NFIB: variants seen among roughly 807,000 people sequenced by gnomAD.
NFIB encodes nuclear factor I B.
NFIB carries 11 observed loss-of-function variants against 61.5 expected under a neutral mutation model. That is an observed-to-expected ratio of 0.18 (90% CI 0.11 to 0.30). The LOEUF is 0.30. Among genes scored for constraint, NFIB ranks in the 10% least tolerant of loss-of-function variants. The probability of loss-of-function intolerance (pLI) is 1.00; values close to 1 mark genes in which losing one functional copy is unlikely to be tolerated. For synonymous variants in NFIB, 260 were observed against 216.5 expected (o/e 1.20, Z -1.76); for missense variants, 471 against 608.9 (o/e 0.77, Z 2.38).
the NFIB span, among the ~76,000 whole-genome samples, chr9:14,516,161 C>T: frequency 9.2e-5 from 14 of 152,222 alleles, no homozygotes; most frequent in East Asian, 3.9e-4. Context: ...CCCCAGCACA[C>T]GGCCTGTAAC....
chr9:14,146,967 C>A (rs962153986), intron 5 of NFIB, among the ~76,000 whole-genome samples, 160 bp from the exon 6 acceptor site: 3 of 152,016 alleles, frequency 2.0e-5, no homozygotes, highest in African/African-American at 7.2e-5. Flanking sequence ...ATAGTAATAG[C>A]AAATATTTCT....
chr9:14,298,636 C>G (rs2059578816), intron 2 of NFIB, among the ~76,000 whole-genome samples: 1 of 152,124 alleles, frequency 6.6e-6, no homozygotes, highest in Non-Finnish European at 1.5e-5. Context: ...GACGTAGCTA[C>G]TGCAGACGGA....
At chr9:14,385,413 G>C (rs369040469) in intron 1 of NFIB, among the ~76,000 whole-genome samples, 3 of 152,102 alleles carry the variant, frequency 2.0e-5, no homozygotes, top group Admixed American at 2.0e-4. Flanking sequence ...CATACAGAGG[G>C]GGTTGGGAGG....
chr9:14,254,298 C>CA (rs57545740), intron 2 of NFIB, among the ~76,000 whole-genome samples: 122,462 of 150,712 alleles, frequency 0.81, 51,111 homozygotes, highest in Middle Eastern at 0.92. Flanking sequence ...GACACTGTCT[C>CA]AAAAAAAACA....
chr9:14,432,264 C>G, the NFIB span, among the ~76,000 whole-genome samples: 2 of 152,212 alleles, frequency 1.3e-5, no homozygotes, highest in African/African-American at 2.4e-5. Context: ...TGCCATGTTT[C>G]TTGCCATGTA....
chr9:14,162,059 T>C (rs1370208152), intron 3 of NFIB, among the ~76,000 whole-genome samples: 1 of 152,168 alleles, frequency 6.6e-6, no homozygotes, highest in African/African-American at 2.4e-5. Flanking sequence ...TCATTTCAGA[T>C]ATATGAGCAT....
At chr9:14,501,256 A>G in the NFIB span, among the ~76,000 whole-genome samples, 1 of 152,104 alleles carries the variant, frequency 6.6e-6, no homozygotes, top group Non-Finnish European at 1.5e-5. Flanking sequence ...TGATCATACT[A>G]TTTAGAGACA....
the NFIB span, among the ~76,000 whole-genome samples, chr9:14,456,197 T>C: frequency 1.5e-5 from 2 of 135,848 alleles, no homozygotes; most frequent in African/African-American, 5.4e-5. Flanking sequence ...GTACCTGGAG[T>C]AACTACTTGG....
At chr9:14,502,337 G>C in the NFIB span, among the ~76,000 whole-genome samples, 64 of 152,244 alleles carry the variant, frequency 4.2e-4, no homozygotes, top group African/African-American at 1.5e-3. Flanking sequence ...TAGAACTGTG[G>C]AGATTTCAGA....
intron 2 of NFIB, among the ~76,000 whole-genome samples, chr9:14,224,211 A>G (rs1167022418): frequency 1.3e-5 from 2 of 152,242 alleles, no homozygotes; most frequent in Non-Finnish European, 2.9e-5. Context: ...TAGGCTACAC[A>G]GAAAATTGTG....
At position 14,162,173 on chromosome 9, in the gene NFIB, A is replaced by C. The variant is rs914819666; in HGVS notation, c.617-6280T>G. ...ATAAAATAGAAATTGTGCTAGCAGG[A>C]AATTTTTTTCCTAATATCAATGAGA... On this transcript the variant is annotated intron_variant, in intron 3 of 10. Transcript: ENST00000380953. 1.2e-3 allele frequency among the ~76,000 whole-genome samples: 185 copies of C among 152,260 alleles called. 1 individual carries two copies. Among genetic ancestry groups the C allele is most frequent in the Non-Finnish European group, 7.4e-4 (50 of 67,984 alleles).
chr9:14,113,386 T>C (rs987412723), intron 9 of NFIB, among the ~76,000 whole-genome samples: 2 of 152,142 alleles, frequency 1.3e-5, no homozygotes, highest in African/African-American at 4.8e-5. Context: ...ATTGGATAAA[T>C]AGAAGGGCCC....
At chr9:14,201,715 T>A (rs953375943) in intron 2 of NFIB, among the ~76,000 whole-genome samples, 1 of 151,966 alleles carries the variant, frequency 6.6e-6, no homozygotes, top group African/African-American at 2.4e-5. Context: ...TCTATTTAAA[T>A]GGCATACAAA....
intron 1 of NFIB, among the ~76,000 whole-genome samples, chr9:14,396,709 C>T (rs1473196614): frequency 6.6e-6 from 1 of 152,136 alleles, no homozygotes; most frequent in Non-Finnish European, 1.5e-5. Flanking sequence ...TCATTTGTTT[C>T]ATTTCACTGA....
Position 14,155,830 on chromosome 9 carries a change from G to C in NFIB, c.680C>G (p.Ser227Cys). 1.3e-6 allele frequency: 2 copies of C among 1,570,120 alleles called. No individual in the cohort carries two copies. Among genetic ancestry groups the C allele is most frequent in the Admixed American group, 1.8e-5 (1 of 54,310 alleles). ...VFNVSELVRV[S>C]RTPITQGTGV... The stretch of plus-strand genomic sequence containing the variant: ...TAACAAAACAATTTACTTACTTCTG[G>C]ATACTCTTACAAGTTCTGATACATT... Residue 227 changes from serine (S) to cysteine (C), a missense_variant, in exon 4 of 11, where the codon TCC becomes TGC. Ser to Cys is a moderately radical substitution (Grantham distance 112). Coordinates refer to ENST00000380953, the MANE Select transcript of NFIB (RefSeq NM_001190737.2).
chr9:14,183,448 G>C (rs965432986), intron 2 of NFIB, among the ~76,000 whole-genome samples: 26 of 150,980 alleles, frequency 1.7e-4, no homozygotes, highest in African/African-American at 6.1e-4. Context: ...CTGTCACCCA[G>C]GCTAGAGTGC....
chr9:14,489,222 G>C, the NFIB span, among the ~76,000 whole-genome samples: 3 of 152,150 alleles, frequency 2.0e-5, no homozygotes, highest in Non-Finnish European at 4.4e-5. Flanking sequence ...AGCAAAAGTA[G>C]TTTCATGTAA....
At chr9:14,357,360 T>G (rs1004373127) in intron 1 of NFIB, 3 of 152,204 alleles carry the variant, frequency 2.0e-5, no homozygotes, top group African/African-American at 7.2e-5. Context: ...AGGAACACTG[T>G]GATGGGCTGA....
chr9:14,443,042 C>A, the NFIB span, among the ~76,000 whole-genome samples: 1 of 126,628 alleles, frequency 7.9e-6, no homozygotes, highest in Non-Finnish European at 1.6e-5. Context: ...ACCCGCCCCC[C>A]CGCCATGACT....
Sources: gnomAD v4.1 joint callset for allele counts (sites outside exome capture counted in the v4.1 genomes callset) on GRCh38, gnomAD v4.1.1 for gene constraint, MANE v1.5 for transcripts, NCBI Gene and HGNC (gene_info 2026-07-23, HGNC 2026-07-21) for gene names.